THSD7B: variants seen among roughly 807,000 people sequenced by gnomAD.
THSD7B encodes the protein thrombospondin type 1 domain containing 7B.
In THSD7B, 138 loss-of-function variants were observed where a neutral mutation model predicts 213.6. The observed-to-expected ratio is 0.65, with a 90% confidence interval of 0.56 to 0.74. The LOEUF (loss-of-function observed/expected upper bound fraction) is 0.74. Ranked by LOEUF, THSD7B falls within the 30% of genes least tolerant of loss-of-function variation. THSD7B has a pLI of 0.00. For synonymous variants in THSD7B, 742 were observed against 687.0 expected, an observed-to-expected ratio of 1.08 and a Z score of -1.25; for missense variants, 1,931 against 1,991.5, an observed-to-expected ratio of 0.97 and a Z score of 0.58.
At chr2:137,440,404 GAGAGGT>G (rs1558797903) in intron 14 of THSD7B, among the ~76,000 whole-genome samples, 1 of 151,758 alleles carries the variant, frequency 6.6e-6, no homozygotes, top group Non-Finnish European at 1.5e-5. Flanking sequence ...GGTGAGCCTG[GAGAGGT>G]AGATCTCTGT....
At chr2:137,485,903 T>G (rs1453436410) in intron 15 of THSD7B, among the ~76,000 whole-genome samples, 3 of 152,046 alleles carry the variant, frequency 2.0e-5, no homozygotes, top group South Asian at 2.1e-4. Context: ...CTAAGCTTCA[T>G]AAGTGAAGGA....
At chr2:136,970,796 A>G (rs6430671) in intron 2 of THSD7B, among the ~76,000 whole-genome samples, 59,268 of 151,926 alleles carry the variant, frequency 0.39, 13,096 homozygotes, top group East Asian at 0.66. Flanking sequence ...ATCTTTCAAA[A>G]AGAAAGAAAG....
At chr2:136,797,810 T>C (rs1463945513) in intron 1 of THSD7B, among the ~76,000 whole-genome samples, 1 of 151,958 alleles carries the variant, frequency 6.6e-6, no homozygotes, top group African/African-American at 2.4e-5. Context: ...TGCCAAGTAC[T>C]CTCTACCATA....
At chr2:137,274,106 A>T (rs371357059) in intron 11 of THSD7B, among the ~76,000 whole-genome samples, 1 of 151,446 alleles carries the variant, frequency 6.6e-6, no homozygotes, top group African/African-American at 2.4e-5. Context: ...CTGTGTATGA[A>T]TTGGATCATT....
At chr2:137,620,237 G>T (rs546026536) in intron 19 of THSD7B, among the ~76,000 whole-genome samples, 3 of 152,046 alleles carry the variant, frequency 2.0e-5, no homozygotes, top group Non-Finnish European at 4.4e-5. Flanking sequence ...TTCTGTGTTG[G>T]CCCTCCATGT....
intron 15 of THSD7B, among the ~76,000 whole-genome samples, chr2:137,507,012 T>C (rs1291966397): frequency 1.3e-5 from 2 of 152,186 alleles, no homozygotes; most frequent in African/African-American, 4.8e-5. Context: ...CAATACAAGC[T>C]CAGCTGGCAG....
At chr2:136,944,778 G>A (rs1684903391) in intron 2 of THSD7B, among the ~76,000 whole-genome samples, 1 of 139,156 alleles carries the variant, frequency 7.2e-6, no homozygotes, top group African/African-American at 2.7e-5. Flanking sequence ...TGAGCCTAGT[G>A]TTTCTTTGCA....
intron 1 of THSD7B, among the ~76,000 whole-genome samples, chr2:136,868,115 C>CGG (rs777436747): frequency 3.1e-4 from 43 of 139,362 alleles, no homozygotes; most frequent in African/African-American, 1.2e-3. Context: ...CACACACACG[C>CGG]GCGCGCACAC....
chr2:137,389,137 C>G (rs1016041150), intron 12 of THSD7B, among the ~76,000 whole-genome samples: 1 of 147,604 alleles, frequency 6.8e-6, no homozygotes, highest in African/African-American at 2.5e-5. Flanking sequence ...TTACCACTAA[C>G]AGTGTATAAG....
chr2:136,952,220 CA>C (rs564895582), intron 2 of THSD7B, among the ~76,000 whole-genome samples: 1 of 151,796 alleles, frequency 6.6e-6, no homozygotes. Flanking sequence ...CCCACCCCCC[CA>C]AAAAAGCACA....
At chr2:137,099,489 G>C (rs1688106818) in intron 4 of THSD7B, among the ~76,000 whole-genome samples, 1 of 152,204 alleles carries the variant, frequency 6.6e-6, no homozygotes, top group African/African-American at 2.4e-5. Flanking sequence ...TATGATTCCA[G>C]ATCTCTTGCG....
chr2:137,092,601 T>C (rs1687969459), intron 3 of THSD7B, among the ~76,000 whole-genome samples: 1 of 152,112 alleles, frequency 6.6e-6, no homozygotes, highest in Admixed American at 6.6e-5. Context: ...CCCCCATTTA[T>C]GTGTTTTCCC....
At chr2:137,647,138 C>G (rs1401171124) in intron 21 of THSD7B, among the ~76,000 whole-genome samples, 1 of 152,158 alleles carries the variant, frequency 6.6e-6, no homozygotes, top group Non-Finnish European at 1.5e-5. Context: ...TGCTCCATGT[C>G]CTGGAATGCT....
intron 12 of THSD7B, among the ~76,000 whole-genome samples, chr2:137,404,629 C>A (rs372684159): frequency 6.7e-6 from 1 of 148,898 alleles, no homozygotes; most frequent in African/African-American, 2.5e-5. Context: ...TATATATGAT[C>A]GTATATAGTG....
At chr2:136,889,378 ATAGATAT>A (rs1350923024) in intron 2 of THSD7B, among the ~76,000 whole-genome samples, 2 of 152,126 alleles carry the variant, frequency 1.3e-5, no homozygotes, top group Admixed American at 1.3e-4. Flanking sequence ...TTCTTAGTTG[ATAGATAT>A]TAGATAGTTC....
intron 3 of THSD7B, among the ~76,000 whole-genome samples, chr2:137,068,373 A>G (rs1224449700): frequency 6.6e-6 from 1 of 152,108 alleles, no homozygotes; most frequent in East Asian, 1.9e-4. Flanking sequence ...TTCATATATT[A>G]TCATAAAATA....
At chr2:137,273,876 G>A (rs570469322) in intron 11 of THSD7B, among the ~76,000 whole-genome samples, 6 of 152,086 alleles carry the variant, frequency 3.9e-5, no homozygotes, top group Non-Finnish European at 7.4e-5. Context: ...AGCTCTCAAG[G>A]AAAGTATCCA....
At chr2:137,340,248 G>A (rs1684730833) in intron 12 of THSD7B, among the ~76,000 whole-genome samples, 1 of 151,660 alleles carries the variant, frequency 6.6e-6, no homozygotes, top group African/African-American at 2.4e-5. Flanking sequence ...AAAAAACTAA[G>A]TTTCAGATGA....
chr2:137,174,306 A>G (rs1298395534), intron 7 of THSD7B, among the ~76,000 whole-genome samples: 1 of 152,184 alleles, frequency 6.6e-6, no homozygotes. Context: ...AAGATTCTGT[A>G]GGGCTCTCGA....
Sources: gnomAD v4.1 joint callset for allele counts (sites outside exome capture counted in the v4.1 genomes callset) on GRCh38, gnomAD v4.1.1 for gene constraint, MANE v1.5 for transcripts, NCBI Gene and HGNC (gene_info 2026-07-23, HGNC 2026-07-21) for gene names.